Variants in TNKS observed in about 807,000 individuals in gnomAD.
The protein encoded by TNKS is poly [ADP-ribose] polymerase tankyrase-1.
In TNKS, 72 loss-of-function variants were observed where a neutral mutation model predicts 135.8. The ratio of observed to expected loss-of-function variants is 0.53; its 90% CI spans 0.44 to 0.64. TNKS has a LOEUF of 0.64. Ranked by LOEUF, TNKS falls within the 30% of genes least tolerant of loss-of-function variation. The pLI is 0.00. For missense variants in TNKS, 1,769 were observed against 1,674.0 expected (o/e 1.06, Z -0.99); for synonymous variants, 849 against 649.3 (o/e 1.31, Z -4.68).
At chr8:9,594,980 T>C (rs1327768853) in intron 2 of TNKS, among the ~76,000 whole-genome samples, 1 of 152,222 alleles carries the variant, frequency 6.6e-6, no homozygotes, top group Non-Finnish European at 1.5e-5. Context: ...CCTTCTTTAC[T>C]GTTTGCAAAA....
intron 3 of TNKS, among the ~76,000 whole-genome samples, chr8:9,656,624 T>TTTTTC (rs1554461142): frequency 3.3e-5 from 5 of 149,562 alleles, no homozygotes; most frequent in African/African-American, 1.2e-4. Context: ...TTTTTTTTTT[T>TTTTTC]TTAATTTATT....
chr8:9,609,836 C>G (rs1409047830), intron 2 of TNKS, among the ~76,000 whole-genome samples: 1 of 152,062 alleles, frequency 6.6e-6, no homozygotes, highest in Non-Finnish European at 1.5e-5. Flanking sequence ...AGGGATAGCA[C>G]TGGTTACTTG....
intron 1 of TNKS, among the ~76,000 whole-genome samples, chr8:9,559,111 T>G (rs1326856629): frequency 6.6e-6 from 1 of 152,172 alleles, no homozygotes; most frequent in Non-Finnish European, 1.5e-5. Flanking sequence ...CACAATTGTG[T>G]AATGGCAAGC....
intron 3 of TNKS, among the ~76,000 whole-genome samples, chr8:9,617,497 A>C (rs73539916): frequency 1.1e-3 from 160 of 152,360 alleles, no homozygotes; most frequent in African/African-American, 3.7e-3. Context: ...AAGTCTAGTA[A>C]TATGGTTAAT....
intron 3 of TNKS, among the ~76,000 whole-genome samples, chr8:9,646,182 T>C (rs954975568): frequency 6.6e-6 from 1 of 152,206 alleles, no homozygotes; most frequent in African/African-American, 2.4e-5. Context: ...ATTCTTGGTC[T>C]TCTCTTGCTC....
chr8:9,722,835 T>G (rs923374181), intron 12 of TNKS, among the ~76,000 whole-genome samples: 3 of 152,156 alleles, frequency 2.0e-5, no homozygotes, highest in Admixed American at 6.5e-5. Context: ...TTAGAGATAA[T>G]TAACAAAATG....
At chr8:9,741,433 A>C (rs542391077) in intron 17 of TNKS, among the ~76,000 whole-genome samples, 1 of 152,080 alleles carries the variant, frequency 6.6e-6, no homozygotes, top group Non-Finnish European at 1.5e-5. Flanking sequence ...AGGAAGTTCT[A>C]CTCCATTAGC....
chr8:9,673,200 C>T (rs1379825463), intron 3 of TNKS, among the ~76,000 whole-genome samples: 2 of 152,048 alleles, frequency 1.3e-5, no homozygotes, highest in African/African-American at 2.4e-5. Flanking sequence ...AGATGTTACT[C>T]GTACTAAGAG....
chr8:9,764,805 T>A lies in TNKS; in HGVS notation c.3447+15T>A, dbSNP rs1433538554. The A allele has an allele frequency of 6.4e-7, 1 of 1,574,190 alleles. No individual in the cohort carries two copies. The highest frequency in any genetic ancestry group is 1.2e-5 in the South Asian group (1 of 82,770). On this transcript the variant is annotated intron_variant, in intron 23 of 26. Coordinates refer to ENST00000310430, the MANE Select transcript of TNKS (RefSeq NM_003747.3). ...ATGTCATTCGAGTAAGTTTTTAAAG[T>A]TTCATGGTGAAAACTGGATTGCAAG...
intron 18 of TNKS, among the ~76,000 whole-genome samples, chr8:9,750,791 C>G (rs1364242017): frequency 1.3e-5 from 2 of 152,236 alleles, no homozygotes; most frequent in African/African-American, 4.8e-5. Flanking sequence ...CTGGGCTCAG[C>G]TGGGTGGTTC....
chr8:9,711,471 T>TA (rs1208170627), intron 11 of TNKS, among the ~76,000 whole-genome samples: 1 of 152,226 alleles, frequency 6.6e-6, no homozygotes, highest in South Asian at 2.1e-4. Flanking sequence ...ATAAATATCA[T>TA]ACTTGATCAG....
At chr8:9,610,467 C>T (rs1325454604) in intron 2 of TNKS, among the ~76,000 whole-genome samples, 2 of 151,712 alleles carry the variant, frequency 1.3e-5, no homozygotes, top group South Asian at 4.1e-4. Context: ...AAGGATCTAT[C>T]GTGTTTCAGT....
intron 2 of TNKS, among the ~76,000 whole-genome samples, chr8:9,611,435 T>C (rs1268614581): frequency 6.6e-6 from 1 of 152,236 alleles, no homozygotes; most frequent in Non-Finnish European, 1.5e-5. Context: ...AATATGACAC[T>C]GTATCATCAA....
chr8:9,691,187 G>C (rs1019217398), intron 5 of TNKS, among the ~76,000 whole-genome samples: 5 of 152,224 alleles, frequency 3.3e-5, no homozygotes, highest in Non-Finnish European at 5.9e-5. Flanking sequence ...CCAAGTGACT[G>C]TCTGTTAGAG....
intron 2 of TNKS, among the ~76,000 whole-genome samples, chr8:9,610,371 T>C (rs1799412594): frequency 6.6e-6 from 1 of 151,568 alleles, no homozygotes; most frequent in African/African-American, 2.4e-5. Context: ...GTATACTGTA[T>C]AATATAATGG....
chr8:9,606,654 T>C (rs1384780131), intron 2 of TNKS, among the ~76,000 whole-genome samples: 2 of 152,158 alleles, frequency 1.3e-5, no homozygotes, highest in Non-Finnish European at 2.9e-5. Flanking sequence ...AGGTCTTTGC[T>C]AACTAACCCT....
intron 3 of TNKS, among the ~76,000 whole-genome samples, chr8:9,657,865 G>T (rs1460948111): frequency 6.9e-6 from 1 of 144,924 alleles, no homozygotes; most frequent in East Asian, 2.1e-4. Flanking sequence ...CCGGGCGGAG[G>T]GGCTCCTCAC....
At chr8:9,587,077 A>G (rs1460932072) in intron 2 of TNKS, among the ~76,000 whole-genome samples, 1 of 152,196 alleles carries the variant, frequency 6.6e-6, no homozygotes, top group Non-Finnish European at 1.5e-5. Context: ...TGGGAATGTT[A>G]ACTTTACATT....
intron 3 of TNKS, among the ~76,000 whole-genome samples, chr8:9,672,810 C>A (rs1802358213): frequency 6.6e-6 from 1 of 151,886 alleles, no homozygotes; most frequent in Admixed American, 6.6e-5. Flanking sequence ...GTCCTGAGCT[C>A]CCAGACTGAA....
Sources: allele counts gnomAD v4.1 joint callset (sites outside exome capture counted in the v4.1 genomes callset), GRCh38; gene constraint gnomAD v4.1.1; transcripts MANE v1.5; gene names NCBI Gene and HGNC (gene_info 2026-07-23, HGNC 2026-07-21).